The following KALRN variants were observed in gnomAD, a reference collection of about 807,000 sequenced individuals.
The protein encoded by KALRN is kalirin.
KALRN carries 70 observed loss-of-function variants against 353.7 expected under a neutral mutation model. That is an observed-to-expected ratio of 0.20 (90% CI 0.16 to 0.24). The LOEUF (loss-of-function observed/expected upper bound fraction) is 0.24. KALRN is among the 10% of genes least tolerant of loss of function. The pLI is 1.00. For synonymous variants in KALRN, 1,391 were observed against 1,434.8 expected (o/e 0.97, Z 0.69); for missense variants, 2,791 against 3,756.7 (o/e 0.74, Z 6.72).
At chr3:124,203,210 TC>T (rs1313733104) in intron 1 of KALRN, among the ~76,000 whole-genome samples, 2 of 152,174 alleles carry the variant, frequency 1.3e-5, no homozygotes, top group African/African-American at 4.8e-5. Context: ...GCCAACATTC[TC>T]CCTGACCAGG....
chr3:124,445,599 C>T (rs1003859647), intron 19 of KALRN, among the ~76,000 whole-genome samples: 2 of 152,180 alleles, frequency 1.3e-5, no homozygotes, highest in African/African-American at 4.8e-5. Context: ...ACACAGCTTC[C>T]CTATGACCAC....
chr3:124,581,390 T>TAAAAA (rs1561334337), intron 34 of KALRN, among the ~76,000 whole-genome samples: 1 of 56,396 alleles, frequency 1.8e-5, no homozygotes. Flanking sequence ...GAGACTCTGC[T>TAAAAA]CAAAAAAAAA....
intron 21 of KALRN, among the ~76,000 whole-genome samples, chr3:124,452,678 T>G (rs12634095): frequency 0.15 from 23,505 of 151,996 alleles, 2,375 homozygotes; most frequent in East Asian, 0.5. Flanking sequence ...TGGAGCCGCA[T>G]GGGGAAGGGC....
intron 32 of KALRN, among the ~76,000 whole-genome samples, chr3:124,495,957 G>GTGTATATATATATATATATATA (rs1377097482): frequency 2.3e-5 from 1 of 44,224 alleles, no homozygotes; most frequent in African/African-American, 8.7e-5. Flanking sequence ...GTGTGTATGT[G>GTGTATATATATATATATATATA]TATGTATGTA....
intron 1 of KALRN, among the ~76,000 whole-genome samples, chr3:124,102,489 T>G (rs1157174366): frequency 6.6e-6 from 1 of 152,228 alleles, no homozygotes; most frequent in Non-Finnish European, 1.5e-5. Flanking sequence ...GGTGCATGGC[T>G]AGTGTTCTGT....
chr3:124,303,351 C>T (rs2077415765), intron 6 of KALRN, among the ~76,000 whole-genome samples: 1 of 152,154 alleles, frequency 6.6e-6, no homozygotes, highest in Non-Finnish European at 1.5e-5. Context: ...TTTTCTGTTG[C>T]TTCTTACAGT....
intron 6 of KALRN, among the ~76,000 whole-genome samples, chr3:124,316,313 G>T (rs1580866600): frequency 6.6e-6 from 1 of 152,210 alleles, no homozygotes; most frequent in African/African-American, 2.4e-5. Flanking sequence ...TCGACCCACA[G>T]CCTGAGTGAT....
At position 124,508,187 on chromosome 3, in the gene KALRN, C is replaced by A. The variant is rs183773136; in HGVS notation, c.4935+11774C>A. Among the ~76,000 whole-genome samples the A allele has an allele frequency of 2.7e-3, 415 of 152,144 alleles. 2 individuals carry two copies. Among genetic ancestry groups the A allele is most frequent in the African/African-American group, 9.2e-3 (383 of 41,506 alleles). On this transcript the variant is annotated intron_variant, in intron 33 of 59. Transcript: ENST00000682506. Reference sequence around the variant, plus strand: ...GCGAAAATGTACAAACAGAACTGAACAATTTAATGGATAATTATGAAGTGA... The same window carrying A: ...GCGAAAATGTACAAACAGAACTGAAAAATTTAATGGATAATTATGAAGTGA...
chr3:124,516,152 T>C lies in KALRN; in HGVS notation c.4935+19739T>C, dbSNP rs1198990635. Among the ~76,000 whole-genome samples, 4 of 152,218 alleles carry C rather than the reference T, an allele frequency of 2.6e-5. No homozygotes were observed. In the East Asian group the frequency reaches 5.8e-4, roughly 22 times the overall value. ...TCAGGTTAGGTCCTCAGGGACAGGA[T>C]AGATTCTTATGTGAGGAATGCTTTC... is the stretch of plus-strand genomic sequence containing the variant. On this transcript the variant is annotated intron_variant, in intron 33 of 59. Coordinates refer to ENST00000682506, the MANE Select transcript of KALRN (RefSeq NM_001388419.1).
At chr3:124,279,489 C>G (rs115916233) in intron 5 of KALRN, among the ~76,000 whole-genome samples, 1 of 152,066 alleles carries the variant, frequency 6.6e-6, no homozygotes, top group Non-Finnish European at 1.5e-5. Context: ...GGAATACAGC[C>G]CCATCCACAA....
intron 47 of KALRN, among the ~76,000 whole-genome samples, chr3:124,671,003 C>T (rs1296882941): frequency 6.6e-6 from 1 of 152,132 alleles, no homozygotes; most frequent in Non-Finnish European, 1.5e-5. Context: ...CCCACTGGTC[C>T]CGCTCTCCTA....
chr3:124,230,777 A>C (rs1254707630), intron 2 of KALRN, among the ~76,000 whole-genome samples: 3 of 151,764 alleles, frequency 2.0e-5, no homozygotes, highest in Non-Finnish European at 4.4e-5. Context: ...AAGGACACTG[A>C]ATAAACTGGG....
At chr3:124,591,036 C>G (rs1448655567) in intron 34 of KALRN, among the ~76,000 whole-genome samples, 1 of 152,186 alleles carries the variant, frequency 6.6e-6, no homozygotes. Flanking sequence ...TACCCAAACT[C>G]TAAATCGGGT....
At chr3:124,427,613 A>G (rs1230574315) in intron 15 of KALRN, among the ~76,000 whole-genome samples, 1 of 152,204 alleles carries the variant, frequency 6.6e-6, no homozygotes, top group East Asian at 1.9e-4. Context: ...GGCTTAGCTG[A>G]GCTTTCCTGA....
chr3:124,498,383 G>A (rs1033688742), intron 33 of KALRN, among the ~76,000 whole-genome samples: 4 of 152,134 alleles, frequency 2.6e-5, no homozygotes, highest in East Asian at 1.9e-4. Flanking sequence ...ATTGAGCCCC[G>A]ATGAAGGCAA....
At chr3:124,207,709 T>G (rs1338070846) in intron 1 of KALRN, among the ~76,000 whole-genome samples, 1 of 152,212 alleles carries the variant, frequency 6.6e-6, no homozygotes, top group Non-Finnish European at 1.5e-5. Flanking sequence ...ATCCATAAAA[T>G]GTGGGAAACA....
At chr3:124,535,798 A>G (rs1052405035) in intron 33 of KALRN, among the ~76,000 whole-genome samples, 8 of 152,204 alleles carry the variant, frequency 5.3e-5, no homozygotes, top group Non-Finnish European at 1.2e-4. Context: ...TTTCTTTCAC[A>G]TAACAGATAA....
chr3:124,689,810 A>C (rs1453707411), intron 51 of KALRN, among the ~76,000 whole-genome samples: 1 of 152,204 alleles, frequency 6.6e-6, no homozygotes, highest in Non-Finnish European at 1.5e-5. Flanking sequence ...AAAATTTATG[A>C]CTGATGGTGC....
In KALRN at chr3:124,260,401, A is replaced by G. The variant is rs555154403; in HGVS notation, c.264-4097A>G. Among the ~76,000 whole-genome samples the G allele has an allele frequency of 1.1e-4, 17 of 152,198 alleles. No individual in the cohort carries two copies. In the East Asian group the frequency reaches 2.9e-3, roughly 26 times the overall value. The stretch of plus-strand genomic sequence containing the variant: ...TCTCCACTCCCTAGCTCAGCCCTAC[A>G]TGGCAGGGGGACCTCATGCATTCAA... On this transcript the variant is annotated intron_variant, in intron 3 of 59. Transcript: ENST00000682506.
Sources: allele counts gnomAD v4.1 joint callset (sites outside exome capture counted in the v4.1 genomes callset), GRCh38; gene constraint gnomAD v4.1.1; transcripts MANE v1.5; gene names NCBI Gene and HGNC (gene_info 2026-07-23, HGNC 2026-07-21).